The following PRAG1 variants were observed in gnomAD, a reference collection of about 807,000 sequenced individuals.
PRAG1 encodes inactive tyrosine-protein kinase PRAG1.
Under a neutral mutation model 95.6 loss-of-function variants are expected in PRAG1, and 110 were observed. That is an observed-to-expected ratio of 1.15 (90% CI 0.99 to 1.35). PRAG1 has a LOEUF of 1.35. Among genes scored for constraint, PRAG1 ranks in the 40% most tolerant of loss-of-function variants. PRAG1 has a pLI of 0.00. For missense variants in PRAG1, 2,554 were observed against 1,864.7 expected (o/e 1.37, Z -6.81); for synonymous variants, 1,052 against 819.4 (o/e 1.28, Z -4.85).
At position 8,379,035 on chromosome 8, in the gene PRAG1, T is replaced by A. The variant is rs184089370; in HGVS notation, c.331-957A>T. ...TTCTGAACTGGATCAGGGTGAGGGG[T>A]GGCTTCTGAACCGGATCAGAGTGAG... On this transcript the variant is annotated intron_variant, in intron 2 of 5. Transcript: ENST00000615670. Among the ~76,000 whole-genome samples, 123 of 150,230 alleles carry A rather than the reference T, an allele frequency of 8.2e-4. No individual in the cohort carries two copies. In the Middle Eastern group the frequency reaches 0.01, roughly 13 times the overall value.
Position 8,318,583 on chromosome 8 carries a change from C to T in PRAG1, c.3792G>A (p.Leu1264=). The T allele has an allele frequency of 6.2e-7, 1 of 1,613,608 alleles. No individual in the cohort carries two copies. Among genetic ancestry groups the T allele is most frequent in the Non-Finnish European group, 8.5e-7 (1 of 1,179,934 alleles). The change falls in exon 6 of 6, where the codon CTG becomes CTA. Residue 1264 remains leucine (L), a synonymous_variant. Transcript: ENST00000615670. The surrounding 1 kb of genome is among the most constrained non-coding windows in gnomAD (Gnocchi z 4.2). ...CCTCGAACGGGTTGGGTTGGTGCAG[C>T]AGCTCGTAGATGAGGATGCCTGTCT... The part of the protein sequence containing the change: ...EFQTGILIYE[L]LHQPNPFEVR...
chr8:8,376,613 C>A lies in PRAG1; in HGVS notation c.1796G>T (p.Cys599Phe). Residue 599 changes from cysteine (C) to phenylalanine (F), a missense_variant, in exon 3 of 6, where the codon TGC becomes TTC. By Grantham distance (205) the Cys-to-Phe change is radical (BLOSUM62 -2). Transcript: ENST00000615670. The part of the protein sequence containing the change: ...SQGPADPAPS[C>F]RTNGVAISDP... ...ACTGATAGCGACACCGTTGGTCCGG[C>A]AGGAAGGAGCGGGGTCAGCAGGACC... is the stretch of plus-strand genomic sequence containing the variant. 6.2e-7 allele frequency: 1 copy of A among 1,602,946 alleles called. No homozygotes were observed. The highest frequency in any genetic ancestry group is 1.1e-5 in the South Asian group (1 of 89,388).
intron 5 of PRAG1, 47 bp from the exon 6 acceptor site, chr8:8,319,349 C>A: frequency 6.9e-7 from 1 of 1,448,786 alleles, no homozygotes; most frequent in South Asian, 1.5e-5. Context: ...CCCATGGTTC[C>A]GCCCAGCAAA....
chr8:8,379,916 T>C (rs1800575141), intron 2 of PRAG1, among the ~76,000 whole-genome samples: 1 of 152,138 alleles, frequency 6.6e-6, no homozygotes, highest in African/African-American at 2.4e-5. Context: ...TGGCTGGGTA[T>C]TAGATAATAT....
At position 8,365,978 on chromosome 8, in the gene PRAG1, AAAACAAACAAAC is replaced by A. The variant is rs545077275; in HGVS notation, c.2162+10257_2162+10268del. On this transcript the variant is annotated intron_variant, in intron 3 of 5. Coordinates refer to ENST00000615670, the MANE Select transcript of PRAG1 (RefSeq NM_001080826.3). ...GGGTGACAGAGTGAGACCCTGTCTC[AAAACAAACAAAC>A]AAACAAACAAACAAAATAAGGCTAA... Among the ~76,000 whole-genome samples, 742 of 152,060 alleles carry A rather than the reference AAAACAAACAAAC, an allele frequency of 4.9e-3. 6 individuals carry two copies. The highest frequency in any genetic ancestry group is 0.017 in the African/African-American group (697 of 41,464).
At chr8:8,335,610 A>G (rs536112391) in intron 4 of PRAG1, among the ~76,000 whole-genome samples, 1 of 152,264 alleles carries the variant, frequency 6.6e-6, no homozygotes, top group East Asian at 1.9e-4. Flanking sequence ...TTTAACGGGG[A>G]AGGTTTAAAT....
At chr8:8,362,826 A>G (rs1367913397) in intron 3 of PRAG1, among the ~76,000 whole-genome samples, 4 of 152,200 alleles carry the variant, frequency 2.6e-5, no homozygotes. Context: ...TGGACCTCAC[A>G]GTCTAAGCTT....
intron 5 of PRAG1, among the ~76,000 whole-genome samples, chr8:8,323,665 G>T (rs538352371): frequency 6.6e-6 from 1 of 152,084 alleles, no homozygotes; most frequent in Non-Finnish European, 1.5e-5. Context: ...CTGCCACCAT[G>T]TGAAGAAGGA....
At chr8:8,381,210 C>T (rs1049334963) in intron 2 of PRAG1, among the ~76,000 whole-genome samples, 1 of 152,166 alleles carries the variant, frequency 6.6e-6, no homozygotes, top group Non-Finnish European at 1.5e-5. Flanking sequence ...TTCTGGGGGA[C>T]TGGATTAATG....
At chr8:8,372,627 T>A (rs1800247234) in intron 3 of PRAG1, among the ~76,000 whole-genome samples, 1 of 152,160 alleles carries the variant, frequency 6.6e-6, no homozygotes, top group Non-Finnish European at 1.5e-5. Context: ...GGGCATAAAA[T>A]GAGCATGGAG....
intron 4 of PRAG1, among the ~76,000 whole-genome samples, chr8:8,335,613 G>A (rs938958892): frequency 2.0e-5 from 3 of 152,144 alleles, no homozygotes; most frequent in African/African-American, 7.2e-5. Context: ...AACGGGGAAG[G>A]TTTAAATGAA....
At position 8,318,867 on chromosome 8, in the gene PRAG1, G is replaced by A. The variant is rs1798375611; in HGVS notation, c.3508C>T (p.Pro1170Ser). The change falls in exon 6 of 6, where the codon CCG (proline) becomes TCG (serine). Residue 1170 changes from proline (P) to serine (S), a missense_variant. Pro to Ser is a moderately conservative substitution (Grantham distance 74). Coordinates refer to ENST00000615670, the MANE Select transcript of PRAG1 (RefSeq NM_001080826.3). This position sits in a 1 kb window ranked among gnomAD's most constrained non-coding sequence, Gnocchi z 4.2. ...AGPGPAPAPA[P>S]APAPAAAAPP... is the part of the protein sequence containing the mutation. ...GCGGCGGCGGCGGGGGCGGGAGCCG[G>A]GGCGGGGGCGGGGGCGGGCCCGGGG... 5.1e-6 allele frequency: 2 copies of A among 394,976 alleles called. No individual in the cohort carries two copies. Among genetic ancestry groups the A allele is most frequent in the African/African-American group, 1.1e-4 (2 of 17,704 alleles). 24.5% of individuals were successfully genotyped at this position (394,976 alleles called of 1,614,324 possible). A position where few individuals can be genotyped will look rare whatever the true frequency, so the allele number is the denominator to read the frequency against.
intron 3 of PRAG1, among the ~76,000 whole-genome samples, chr8:8,368,781 A>G (rs1800096067): frequency 6.6e-6 from 1 of 152,186 alleles, no homozygotes; most frequent in Admixed American, 6.5e-5. Flanking sequence ...AGCATGGAAA[A>G]GCTATTCTCA....
intron 3 of PRAG1, among the ~76,000 whole-genome samples, chr8:8,357,367 T>C (rs1251891194): frequency 1.3e-5 from 2 of 151,774 alleles, no homozygotes; most frequent in African/African-American, 4.8e-5. Context: ...TAAAAACTGG[T>C]CAAAGAACTT....
chr8:8,383,355 G>A (rs1585287201), intron 1 of PRAG1, among the ~76,000 whole-genome samples: 2 of 151,866 alleles, frequency 1.3e-5, no homozygotes, highest in African/African-American at 4.9e-5. Flanking sequence ...ACGATCGCTT[G>A]AGCCCAGGAG....
chr8:8,356,387 C>G (rs1333097186), intron 3 of PRAG1, among the ~76,000 whole-genome samples: 1 of 152,168 alleles, frequency 6.6e-6, no homozygotes, highest in African/African-American at 2.4e-5. Flanking sequence ...ACTCTGTCAC[C>G]TAGGCTGGAG....
At chr8:8,386,108 C>G (rs1188413305) in intron 1 of PRAG1, among the ~76,000 whole-genome samples, 3 of 152,320 alleles carry the variant, frequency 2.0e-5, no homozygotes, top group Non-Finnish European at 1.5e-5. Context: ...AAAACACCCT[C>G]CAGCTCCTCG....
intron 1 of PRAG1, among the ~76,000 whole-genome samples, chr8:8,382,296 T>C (rs1800705239): frequency 6.6e-6 from 1 of 152,114 alleles, no homozygotes; most frequent in Non-Finnish European, 1.5e-5. Flanking sequence ...TGGAAAATAA[T>C]GTTTGACCAA....
intron 3 of PRAG1, among the ~76,000 whole-genome samples, chr8:8,374,885 T>C (rs562807656): frequency 6.6e-6 from 1 of 152,194 alleles, no homozygotes; most frequent in Non-Finnish European, 1.5e-5. Flanking sequence ...TCCTTGTTTC[T>C]GACATCAGCC....
Sources: gnomAD v4.1 joint callset for allele counts (sites outside exome capture counted in the v4.1 genomes callset) on GRCh38, gnomAD v4.1.1 for gene constraint, Gnocchi (gnomAD v3.1) non-coding constraint, MANE v1.5 for transcripts, NCBI Gene and HGNC (gene_info 2026-07-23, HGNC 2026-07-21) for gene names.